The following NAT10 variants were observed in gnomAD, a reference collection of about 807,000 sequenced individuals.
NAT10 encodes the protein RNA cytidine acetyltransferase.
A neutral mutation model predicts 132.2 loss-of-function variants in NAT10; 109 were observed. The observed-to-expected ratio is 0.82, with a 90% CI of 0.71 to 0.97. The LOEUF (loss-of-function observed/expected upper bound fraction) is 0.97. NAT10 is among the 50% of genes least tolerant of loss of function. NAT10 has a pLI of 0.00. For synonymous variants in NAT10, 479 were observed against 478.0 expected (o/e 1.00, Z -0.03); for missense variants, 1,184 against 1,263.4 (o/e 0.94, Z 0.95).
At chr11:34,136,343 A>G (rs1038190109) in intron 19 of NAT10, among the ~76,000 whole-genome samples, 3 of 152,010 alleles carry the variant, frequency 2.0e-5, no homozygotes, top group African/African-American at 7.2e-5. Context: ...CAGTCTCCCA[A>G]AGTGCTGGGA....
intron 6 of NAT10, 149 bp from the exon 7 acceptor site, chr11:34,118,031 A>G (rs994827747): frequency 2.0e-5 from 12 of 612,164 alleles, no homozygotes; most frequent in Non-Finnish European, 3.5e-5. Context: ...GTGCTGAATC[A>G]TCTCACACTG....
chr11:34,145,233 C>T (rs1195966122), intron 28 of NAT10, among the ~76,000 whole-genome samples: 2 of 152,228 alleles, frequency 1.3e-5, no homozygotes, highest in East Asian at 3.8e-4. Context: ...AGTGAGAAGC[C>T]TCTCGAGCCC....
chr11:34,139,052 C>T (rs796367671), intron 21 of NAT10, 139 bp from the exon 22 acceptor site: 50 of 700,272 alleles, frequency 7.1e-5, no homozygotes, highest in African/African-American at 5.3e-4. Context: ...TTGAGAAGGG[C>T]GCCTACCCCC....
Position 34,141,101 on chromosome 11 carries a change from G to T in NAT10, c.2605G>T (p.Gly869Trp). The change falls in exon 25 of 29, where the codon GGG (glycine) becomes TGG (tryptophan). Residue 869 changes from glycine to tryptophan, a missense_variant. By Grantham distance (184) the Gly-to-Trp change is radical. Transcript: ENST00000257829. ...TTCCATCCTTTAGGCTCTTCTCTTG[G>T]GGATTGGCCTGCAGCATAAGTCTGT... ...LSAAQSALLLGIGLQHKSVDQ... is the reference protein window; with the variant it reads ...LSAAQSALLLWIGLQHKSVDQ... 1 of 1,613,984 alleles carries T rather than the reference G, an allele frequency of 6.2e-7. No homozygotes were observed. The highest frequency in any genetic ancestry group is 8.5e-7 in the Non-Finnish European group (1 of 1,179,984).
intron 6 of NAT10, among the ~76,000 whole-genome samples, chr11:34,116,139 T>C (rs60015864): frequency 0.1 from 15,552 of 152,268 alleles, 862 homozygotes; most frequent in African/African-American, 0.15. Flanking sequence ...TTACTCTCTC[T>C]GGTTCTTAGC....
At chr11:34,143,584 C>T in intron 28 of NAT10, 56 bp downstream of exon 28, 1 of 1,489,458 alleles carries the variant, frequency 6.7e-7, no homozygotes, top group Non-Finnish European at 9.2e-7. Context: ...GGCCTCTCTG[C>T]TTCTCTTTAA....
rs1783374334 is a variant in NAT10 at position 34,124,398 on chromosome 11, C to T, written c.1105C>T (p.Gln369Ter). 6.2e-7 allele frequency: 1 copy of T among 1,611,962 alleles called. No individual in the cohort carries two copies. The highest frequency in any genetic ancestry group is 1.7e-5 in the Admixed American group (1 of 59,980). Residue 369 changes from glutamine (Q) to a stop codon, truncating the protein, a stop_gained and splice_region_variant, in exon 11 of 29, where the codon CAG becomes TAG. Coordinates refer to ENST00000257829, the MANE Select transcript of NAT10 (RefSeq NM_024662.3). LOFTEE classifies it high-confidence loss of function. ...NVFREHRQTIQYIHPADAVKL... is the reference protein window; with the variant it reads ...NVFREHRQTI ...ATTTCGAGAACACAGGCAGACTATT[C>T]AGGTGAGGCTTGTTCTCAGACCCTG... is the stretch of plus-strand genomic sequence containing the variant.
In NAT10 at chr11:34,141,408, TCACACACACACA is replaced by T. The variant is rs59489457; in HGVS notation, c.2712+232_2712+243del. On this transcript the variant is annotated intron_variant, in intron 25 of 28. Transcript: ENST00000257829. ...TGTGTTTGCTGCATCTCATCACACA[TCACACACACACA>T]CACACACACACACACACACACACAC... is the stretch of plus-strand genomic sequence containing the variant. Among the ~76,000 whole-genome samples, 1,175 of 132,944 alleles carry T rather than the reference TCACACACACACA, an allele frequency of 8.8e-3. 22 individuals are homozygous for T. Among genetic ancestry groups the T allele is most frequent in the African/African-American group, 0.031 (1,091 of 35,172 alleles). The allele number at this position is 132,944 out of a possible 152,430, so 87.2% of individuals were successfully genotyped here.
chr11:34,126,810 AG>A (rs1192064591), intron 11 of NAT10, among the ~76,000 whole-genome samples: 30 of 152,384 alleles, frequency 2.0e-4, no homozygotes, highest in African/African-American at 7.2e-4. Flanking sequence ...TAAAATTAGC[AG>A]GAAGCCCTGA....
intron 11 of NAT10, among the ~76,000 whole-genome samples, chr11:34,126,160 G>A (rs1395695028): frequency 1.3e-5 from 2 of 152,204 alleles, no homozygotes; most frequent in Non-Finnish European, 2.9e-5. Flanking sequence ...GATGTTTGCT[G>A]TGTTTGTTTC....
At position 34,108,399 on chromosome 11, in the gene NAT10, A is replaced by G. The variant is rs1441581727; in HGVS notation, c.108+66A>G. 11 of 1,312,494 alleles carry G rather than the reference A, an allele frequency of 8.4e-6. No homozygotes were observed. The East Asian group carries it at 2.5e-4, about 30-fold the overall frequency. 81.3% of individuals were successfully genotyped at this position (1,312,494 alleles called of 1,614,324 possible). On this transcript the variant is annotated intron_variant, in intron 2 of 28. Transcript: ENST00000257829. ...GTCCAAAGAATCAGCATGTTTAAGC[A>G]CTCTGCTGTTTCAGGACATAATGGC...
At chr11:34,125,903 C>T (rs1565112878) in intron 11 of NAT10, among the ~76,000 whole-genome samples, 1 of 152,138 alleles carries the variant, frequency 6.6e-6, no homozygotes, top group East Asian at 1.9e-4. Flanking sequence ...ATTGGTTGAA[C>T]CCTGGAGGCA....
At position 34,118,268 on chromosome 11, in the gene NAT10, A is replaced by T; in HGVS notation, c.646A>T (p.Met216Leu). The T allele has an allele frequency of 6.2e-7, 1 of 1,614,118 alleles. No individual in the cohort carries two copies. The highest frequency in any genetic ancestry group is 8.5e-7 in the Non-Finnish European group (1 of 1,179,978). The change falls in exon 7 of 29, where the codon ATG becomes TTG. Residue 216 changes from methionine to leucine, a missense_variant. Coordinates refer to ENST00000257829, the MANE Select transcript of NAT10 (RefSeq NM_024662.3). Reference protein sequence around the residue: ...ILPISSHVATMEALPPQTPDE... With the variant: ...ILPISSHVATLEALPPQTPDE... ...GCCCATCTCCTCCCACGTTGCCACCATGGAGGCCCTGCCTCCCCAGACTCC... is the reference window on the plus strand; with the variant it reads ...GCCCATCTCCTCCCACGTTGCCACCTTGGAGGCCCTGCCTCCCCAGACTCC...
At chr11:34,138,317 G>A in intron 21 of NAT10, among the ~76,000 whole-genome samples, 1 of 152,168 alleles carries the variant, frequency 6.6e-6, no homozygotes, top group East Asian at 1.9e-4. Context: ...TGAAGACATT[G>A]TCTTCTGAGT....
At chr11:34,135,315 C>T (rs753209021) in intron 19 of NAT10, 24 bp downstream of exon 19, 1 of 1,591,008 alleles carries the variant, frequency 6.3e-7, no homozygotes. Context: ...GACAGACCTC[C>T]TGTGTCCTGG....
At chr11:34,112,257 A>G in intron 4 of NAT10, 34 bp downstream of exon 4, 2 of 1,613,598 alleles carry the variant, frequency 1.2e-6, no homozygotes, top group Non-Finnish European at 1.7e-6. Flanking sequence ...GATTGAAGTC[A>G]GAGTCTTGAG....
chr11:34,139,480 A>C lies in NAT10; in HGVS notation c.2404A>C (p.Lys802Gln). 1 of 1,613,926 alleles carries C rather than the reference A, an allele frequency of 6.2e-7. No homozygotes were observed. Among genetic ancestry groups the C allele is most frequent in the South Asian group, 1.1e-5 (1 of 91,064 alleles). The change falls in exon 23 of 29, where the codon AAG (lysine) becomes CAG (glutamine). Residue 802 changes from lysine (K) to glutamine (Q), a missense_variant. Physicochemically the swap from Lys to Gln is moderately conservative, Grantham distance 53 (BLOSUM62 1). Coordinates refer to ENST00000257829, the MANE Select transcript of NAT10 (RefSeq NM_024662.3). ...CATCATTCAGAACAGGAACATGGGG[A>C]AGCCAGCCCAGCCTGGTGAGCCGGG... ...LNIIQNRNMG[K>Q]PAQPALSREE...
At chr11:34,130,527 C>T (rs77474102) in intron 12 of NAT10, among the ~76,000 whole-genome samples, 1 of 152,222 alleles carries the variant, frequency 6.6e-6, no homozygotes, top group East Asian at 1.9e-4. Context: ...ATAGAATAAT[C>T]CCCTCTTGAA....
rs146301468 is a variant in NAT10 at position 34,122,542 on chromosome 11, G to T, written c.864G>T (p.Arg288=). The T allele has an allele frequency of 1.1e-4, 174 of 1,614,224 alleles. No individual in the cohort carries two copies. In the African/African-American group the frequency reaches 2.0e-3, roughly 18 times the overall value. The stretch of plus-strand genomic sequence containing the variant: ...TTGCACTCACAGCTGCTCGAGGACG[G>T]GGAAAATCTGCAGCCCTGGGATTGG... The part of the protein sequence containing the change: ...STVALTAARG[R]GKSAALGLAI... Residue 288 remains arginine (R), a synonymous_variant, in exon 9 of 29, where the codon CGG becomes CGT. Coordinates refer to ENST00000257829, the MANE Select transcript of NAT10 (RefSeq NM_024662.3).
Sources: gnomAD v4.1 joint callset for allele counts (sites outside exome capture counted in the v4.1 genomes callset) on GRCh38, gnomAD v4.1.1 for gene constraint, MANE v1.5 for transcripts, NCBI Gene and HGNC (gene_info 2026-07-23, HGNC 2026-07-21) for gene names.